NOXA1: variants seen among roughly 807,000 people sequenced by gnomAD.
The protein encoded by NOXA1 is NADPH oxidase activator 1.
NOXA1 carries 56 observed loss-of-function variants against 64.8 expected under a neutral mutation model. The ratio of observed to expected loss-of-function variants is 0.86; its 90% CI spans 0.70 to 1.08. The LOEUF (loss-of-function observed/expected upper bound fraction) is 1.08. Ranked by LOEUF, NOXA1 falls within the 50% of genes least tolerant of loss-of-function variation. The pLI, the probability that NOXA1 is intolerant of heterozygous loss-of-function variation, is 0.00. For missense variants in NOXA1, 668 were observed against 658.5 expected, an observed-to-expected ratio of 1.01 and a Z score of -0.16; for synonymous variants, 295 against 294.8, an observed-to-expected ratio of 1.00 and a Z score of -0.01.
intron 1 of NOXA1, among the ~76,000 whole-genome samples, chr9:137,424,370 A>T (rs905685326): frequency 7.2e-5 from 11 of 152,252 alleles, no homozygotes; most frequent in African/African-American, 2.7e-4. Flanking sequence ...GGCAAAGCGC[A>T]TGAGACCCCC....
rs1838673190 is a variant in NOXA1, at chr9:137,423,605, G to A, written c.76G>A (p.Ala26Thr). 1.4e-6 allele frequency: 2 copies of A among 1,475,970 alleles called. No individual in the cohort carries two copies. Among genetic ancestry groups the A allele is most frequent in the Non-Finnish European group, 1.8e-6 (2 of 1,114,328 alleles). 91.4% of individuals were successfully genotyped at this position (1,475,970 alleles called of 1,614,324 possible). The change falls in exon 1 of 14, where the codon GCC becomes ACC. Residue 26 changes from alanine to threonine, a missense_variant. Coordinates refer to ENST00000683555, the MANE Select transcript of NOXA1 (RefSeq NM_001256067.2). ...TGTGGATCGTGGGGACTGGGCCCGC[G>A]CCTTGCACCTCTTCTCGGGCGTCCC... ...QAVDRGDWARALHLFSGVPAP... is the reference protein window; with the variant it reads ...QAVDRGDWARTLHLFSGVPAP...
Position 137,428,928 on chromosome 9 carries a change from C to A in NOXA1, c.416C>A (p.Thr139Lys). The A allele has an allele frequency of 6.3e-7, 1 of 1,595,384 alleles. No individual in the cohort carries two copies. Among genetic ancestry groups the A allele is most frequent in the Non-Finnish European group, 8.5e-7 (1 of 1,172,044 alleles). Residue 139 changes from threonine to lysine, a missense_variant, in exon 4 of 14, where the codon ACA becomes AAA. Coordinates refer to ENST00000683555, the MANE Select transcript of NOXA1 (RefSeq NM_001256067.2). ...GCACAGTGCCAGCTGGGGCTCTGGA[C>A]AGAGGCGGCCAGCAGCCTAAGGGAG... ...ASAQCQLGLWTEAASSLREAM... is the reference protein window; with the variant it reads ...ASAQCQLGLWKEAASSLREAM...
intron 2 of NOXA1, among the ~76,000 whole-genome samples, chr9:137,427,142 G>A (rs1238816742): frequency 2.6e-5 from 4 of 152,126 alleles, no homozygotes; most frequent in African/African-American, 9.7e-5. Flanking sequence ...ATAAAAACAC[G>A]ACGGAACCCT....
At chr9:137,424,668 C>A (rs1354653080) in intron 1 of NOXA1, among the ~76,000 whole-genome samples, 1 of 152,160 alleles carries the variant, frequency 6.6e-6, no homozygotes, top group African/African-American at 2.4e-5. Flanking sequence ...GAACTCCTGA[C>A]CTCAGGTGAT....
At chr9:137,427,506 A>G (rs377582809) in intron 2 of NOXA1, among the ~76,000 whole-genome samples, 1 of 152,360 alleles carries the variant, frequency 6.6e-6, no homozygotes, top group African/African-American at 2.4e-5. Context: ...TTTACTGAAG[A>G]GTCCCAGCAT....
intron 2 of NOXA1, among the ~76,000 whole-genome samples, chr9:137,426,670 G>C (rs1447866486): frequency 6.6e-6 from 1 of 152,132 alleles, no homozygotes; most frequent in South Asian, 2.1e-4. Context: ...AGGAGGGCAG[G>C]CTCTGTGGGG....
chr9:137,434,168 G>A (rs1839261314), intron 13 of NOXA1, 56 bp from the exon 14 acceptor site: 2 of 1,581,048 alleles, frequency 1.3e-6, no homozygotes, highest in Middle Eastern at 1.7e-4. Flanking sequence ...AGCAGACGTG[G>A]CACCCAGAGG....
rs114490343 is a variant in NOXA1, at chr9:137,426,325, G to A, written c.255G>A (p.Leu85=). The part of the protein sequence containing the change: ...FFQRGVANFQ[L]ARFQEALSDF... The stretch of plus-strand genomic sequence containing the variant: ...AGCGAGGAGTGGCCAACTTCCAGCT[G>A]GCAAGGTGAGTACAGGGGTGCCTTG... Residue 85 remains leucine, a synonymous_variant, in exon 2 of 14, where the codon CTG becomes CTA. Transcript: ENST00000683555. The A allele has an allele frequency of 4.8e-4, 770 of 1,613,652 alleles. 3 individuals carry two copies. The African/African-American group carries it at 9.2e-3, about 19-fold the overall frequency.
intron 4 of NOXA1, 23 bp downstream of exon 4, chr9:137,429,039 T>G: frequency 6.6e-7 from 1 of 1,523,250 alleles, no homozygotes; most frequent in Non-Finnish European, 8.8e-7. Context: ...AGCCCGGTCA[T>G]GGTTTTGGGC....
rs1434230121 is a variant in NOXA1, at chr9:137,429,326, G to A, written c.555G>A (p.Arg185=). ...AGGTCCCCAGGGGCGAGGTCTTCCG[G>A]CCCCACCGGTGGCACCTGAAGCACT... The part of the protein sequence containing the change: ...PRQVPRGEVF[R]PHRWHLKHLE... Residue 185 remains arginine (R), a synonymous_variant, in exon 5 of 14, where the codon CGG becomes CGA. Coordinates refer to ENST00000683555, the MANE Select transcript of NOXA1 (RefSeq NM_001256067.2). The A allele has an allele frequency of 1.3e-6, 2 of 1,582,138 alleles. No homozygotes were observed. The highest frequency in any genetic ancestry group is 1.7e-6 in the Non-Finnish European group (2 of 1,165,698).
intron 1 of NOXA1, among the ~76,000 whole-genome samples, 193 bp downstream of exon 1, chr9:137,423,899 A>G (rs950126274): frequency 6.6e-6 from 1 of 151,952 alleles, no homozygotes; most frequent in Non-Finnish European, 1.5e-5. Flanking sequence ...CGCGGCGGTC[A>G]CCGGGAGAGG....
intron 5 of NOXA1, 126 bp from the exon 6 acceptor site, chr9:137,430,658 G>A (rs1487842718): frequency 1.2e-5 from 8 of 693,842 alleles, no homozygotes; most frequent in African/African-American, 1.8e-5. Flanking sequence ...GACGTGGGCC[G>A]GGCATGGGCA....
chr9:137,432,480 A>T (rs1203344836), intron 8 of NOXA1, among the ~76,000 whole-genome samples: 1 of 152,096 alleles, frequency 6.6e-6, no homozygotes, highest in Non-Finnish European at 1.5e-5. Flanking sequence ...CTCAGGAGGC[A>T]GAGCCAGGAG....
chr9:137,434,125 G>A (rs776940568), intron 13 of NOXA1, 46 bp downstream of exon 13: 7 of 1,582,552 alleles, frequency 4.4e-6, no homozygotes, highest in African/African-American at 1.3e-5. Context: ...GGTGCCCGGG[G>A]TGTGGGGGGC....
chr9:137,429,658 C>T (rs1839002793), intron 5 of NOXA1, among the ~76,000 whole-genome samples: 1 of 152,216 alleles, frequency 6.6e-6, no homozygotes, highest in South Asian at 2.1e-4. Context: ...CGCCCCCAGA[C>T]TGGGCCATGG....
intron 1 of NOXA1, among the ~76,000 whole-genome samples, chr9:137,424,153 C>G (rs1408816226): frequency 6.6e-6 from 1 of 152,180 alleles, no homozygotes; most frequent in African/African-American, 2.4e-5. Context: ...CTCGTGCCCC[C>G]TCGCGTTCCG....
Position 137,423,680 on chromosome 9 carries a change from G to A in NOXA1, c.151G>A (p.Ala51Thr). 7.3e-7 allele frequency: 1 copy of A among 1,362,228 alleles called. No individual in the cohort carries two copies. Among genetic ancestry groups the A allele is most frequent in the Non-Finnish European group, 9.5e-7 (1 of 1,056,186 alleles). The allele number at this position is 1,362,228 out of a possible 1,614,324, so 84.4% of individuals were successfully genotyped here. ...CFNAGCVHLL[A>T]GDPEAALRAF... ...CAACGCGGGCTGCGTGCACCTGCTG[G>A]CCGGGGACCCCGAGGCCGCGCTGCG... The change falls in exon 1 of 14, where the codon GCC (alanine) becomes ACC (threonine). Residue 51 changes from alanine to threonine, a missense_variant. Ala to Thr is a moderately conservative substitution (Grantham distance 58). Transcript: ENST00000683555.
chr9:137,429,067 C>T (rs1838971845), intron 4 of NOXA1, 51 bp downstream of exon 4: 1 of 1,479,030 alleles, frequency 6.8e-7, no homozygotes, highest in African/African-American at 1.4e-5. Flanking sequence ...TACCAAAGCT[C>T]CTCAAGACCA....
chr9:137,433,742 C>T lies in NOXA1; in HGVS notation c.1065-8C>T, dbSNP rs1033407343. On this transcript the variant is annotated splice_region_variant and splice_polypyrimidine_tract_variant and intron_variant, in intron 11 of 13. Coordinates refer to ENST00000683555, the MANE Select transcript of NOXA1 (RefSeq NM_001256067.2). ...CCAGGAGGCCCCCTCTGAGGAATCT[C>T]TTTGCAGTTACCTAGCCCCAGGTGA... 17 of 1,461,622 alleles carry T rather than the reference C, an allele frequency of 1.2e-5. No homozygotes were observed. The highest frequency in any genetic ancestry group is 1.5e-5 in the Non-Finnish European group (17 of 1,101,070). The allele number at this position is 1,461,622 out of a possible 1,614,324, so 90.5% of individuals were successfully genotyped here. A position where few individuals can be genotyped will look rare whatever the true frequency, so the allele number is the denominator to read the frequency against.
Sources: gnomAD v4.1 joint callset for allele counts (sites outside exome capture counted in the v4.1 genomes callset) on GRCh38, gnomAD v4.1.1 for gene constraint, MANE v1.5 for transcripts, NCBI Gene and HGNC (gene_info 2026-07-23, HGNC 2026-07-21) for gene names.